Variants in PGM5 observed in about 807,000 individuals in gnomAD.
The protein encoded by PGM5 is phosphoglucomutase-like protein 5.
Under a neutral mutation model 59.2 loss-of-function variants are expected in PGM5, and 23 were observed. The observed-to-expected ratio is 0.39, with a 90% confidence interval of 0.28 to 0.55. The LOEUF (loss-of-function observed/expected upper bound fraction) is 0.55, where lower values mean the gene tolerates loss of function less well. Ranked by LOEUF, PGM5 falls within the 20% of genes least tolerant of loss-of-function variation. The probability of loss-of-function intolerance (pLI) is 0.66; values close to 1 mark genes in which losing one functional copy is unlikely to be tolerated. For missense variants in PGM5, 574 were observed against 748.3 expected (o/e 0.77, Z 2.72); for synonymous variants, 214 against 286.0 (o/e 0.75, Z 2.54).
intron 6 of PGM5, among the ~76,000 whole-genome samples, chr9:68,446,287 A>G (rs74984001): frequency 4.5e-4 from 68 of 152,392 alleles, no homozygotes; most frequent in African/African-American, 1.5e-3. Flanking sequence ...CATTACCACA[A>G]TGTTTGAAAT....
At chr9:68,429,817 A>G (rs1029871577) in intron 6 of PGM5, among the ~76,000 whole-genome samples, 5 of 152,210 alleles carry the variant, frequency 3.3e-5, no homozygotes, top group African/African-American at 1.2e-4. Flanking sequence ...GATAATCTCC[A>G]CTGATGCGAT....
chr9:68,524,480 A>C (rs1824943824), intron 10 of PGM5, among the ~76,000 whole-genome samples: 1 of 152,236 alleles, frequency 6.6e-6, no homozygotes, highest in Non-Finnish European at 1.5e-5. Flanking sequence ...ACTCTAAAAA[A>C]CACTGGAATT....
intron 6 of PGM5, among the ~76,000 whole-genome samples, chr9:68,407,463 T>G (rs1822843692): frequency 6.6e-6 from 1 of 152,206 alleles, no homozygotes; most frequent in Admixed American, 6.5e-5. Flanking sequence ...ACTTTTTGAT[T>G]AATATCCTCT....
At chr9:68,481,097 G>A (rs1257643760) in intron 8 of PGM5, among the ~76,000 whole-genome samples, 1 of 152,160 alleles carries the variant, frequency 6.6e-6, no homozygotes, top group African/African-American at 2.4e-5. Context: ...TGAATGTTTG[G>A]TTGTGTTTCA....
rs1563984881 is a variant in PGM5 at position 68,376,835 on chromosome 9, C to CTTTCTTTCTTTCTTTCTTTCT, written c.262-1347_262-1346insTTCTTTTCTTTCTTTCTTTCT. Among the ~76,000 whole-genome samples the CTTTCTTTCTTTCTTTCTTTCT allele has an allele frequency of 6.9e-3, 405 of 58,540 alleles. 12 individuals carry two copies. The highest frequency in any genetic ancestry group is 8.7e-3 in the Admixed American group (45 of 5,172). 38.4% of individuals were successfully genotyped at this position (58,540 alleles called of 152,430 possible). A position where few individuals can be genotyped will look rare whatever the true frequency, so the allele number is the denominator to read the frequency against. ...TTTCTTTCTTTCTTTCTTTCTTTCT[C>CTTTCTTTCTTTCTTTCTTTCT]TTTCTTTCTTTCTTTCTCTTTCTTT... On this transcript the variant is annotated intron_variant, in intron 1 of 10. Coordinates refer to ENST00000396396, the MANE Select transcript of PGM5 (RefSeq NM_021965.4).
intron 1 of PGM5, among the ~76,000 whole-genome samples, chr9:68,367,110 C>G (rs4111706): frequency 0.25 from 38,206 of 151,674 alleles, 5,805 homozygotes; most frequent in Admixed American, 0.34. Flanking sequence ...CATGCACACA[C>G]AAACACACAC....
At chr9:68,388,369 G>A (rs4744955) in intron 4 of PGM5, among the ~76,000 whole-genome samples, 155 of 145,932 alleles carry the variant, frequency 1.1e-3, no homozygotes, top group African/African-American at 1.6e-3. Flanking sequence ...CAAGCTCTCC[G>A]CTAGTGTCTA....
chr9:68,436,877 T>A (rs1823450282), intron 6 of PGM5, among the ~76,000 whole-genome samples: 2 of 152,256 alleles, frequency 1.3e-5, no homozygotes, highest in East Asian at 3.8e-4. Flanking sequence ...CTTTTTACCC[T>A]CTACCATCCA....
chr9:68,515,292 C>A (rs1204143657), intron 10 of PGM5, among the ~76,000 whole-genome samples: 1 of 152,182 alleles, frequency 6.6e-6, no homozygotes, highest in African/African-American at 2.4e-5. Flanking sequence ...AAGAGTCTCT[C>A]CTCGTTTACA....
rs188132512 is a variant in PGM5, at chr9:68,393,330, A to G, written c.1043+857A>G. ...TATATGCATATAATTAAAATACATA[A>G]TATAATATACATAATATATATACAT... On this transcript the variant is annotated intron_variant, in intron 6 of 10. Transcript: ENST00000396396. Among the ~76,000 whole-genome samples the G allele has an allele frequency of 5.3e-5, 8 of 150,198 alleles. 1 individual carries two copies. The East Asian group carries it at 1.6e-3, about 29-fold the overall frequency.
chr9:68,461,189 G>A (rs1481572948), intron 6 of PGM5, among the ~76,000 whole-genome samples: 2 of 151,968 alleles, frequency 1.3e-5, no homozygotes, highest in Non-Finnish European at 1.5e-5. Flanking sequence ...TGGGTCAGCC[G>A]CCTTCAACAC....
intron 8 of PGM5, among the ~76,000 whole-genome samples, chr9:68,482,181 C>G (rs1347268635): frequency 6.6e-6 from 1 of 152,020 alleles, no homozygotes; most frequent in Non-Finnish European, 1.5e-5. Flanking sequence ...GATTCTCAAC[C>G]CTAGACTGAA....
At chr9:68,511,034 A>T (rs1554689312) in intron 10 of PGM5, among the ~76,000 whole-genome samples, 1 of 152,222 alleles carries the variant, frequency 6.6e-6, no homozygotes, top group African/African-American at 2.4e-5. Flanking sequence ...CAGGCTTCAG[A>T]GAGAATAGAA....
At chr9:68,362,778 G>T (rs2770896) in intron 1 of PGM5, among the ~76,000 whole-genome samples, 1 of 150,104 alleles carries the variant, frequency 6.7e-6, no homozygotes, top group Non-Finnish European at 1.5e-5. Flanking sequence ...TTTGTTCTCT[G>T]CTTCTTTCTT....
At chr9:68,525,838 C>T (rs1028825037) in intron 10 of PGM5, among the ~76,000 whole-genome samples, 1 of 152,108 alleles carries the variant, frequency 6.6e-6, no homozygotes, top group African/African-American at 2.4e-5. Context: ...GGGCAAATCA[C>T]GAGGTCAGGA....
At chr9:68,381,025 C>A (rs1381266895) in intron 2 of PGM5, among the ~76,000 whole-genome samples, 6 of 151,894 alleles carry the variant, frequency 4.0e-5, no homozygotes, top group African/African-American at 1.2e-4. Flanking sequence ...TTATTACCAA[C>A]ACTTCTTAGA....
rs544549587 is a variant in PGM5, at chr9:68,384,888, C to T, written c.571+344C>T. Among the ~76,000 whole-genome samples, 449 of 150,394 alleles carry T rather than the reference C, an allele frequency of 3.0e-3. 3 individuals are homozygous for T. Among genetic ancestry groups the T allele is most frequent in the African/African-American group, 0.01 (427 of 41,054 alleles). On this transcript the variant is annotated intron_variant, in intron 3 of 10. Transcript: ENST00000396396. ...CTGGAATGCCTTAGTTAAGAAGAAA[C>T]CTAACAAGTCAATGGGTTATTAAAT...
chr9:68,477,319 G>A (rs10780967), intron 7 of PGM5, among the ~76,000 whole-genome samples: 8,893 of 149,558 alleles, frequency 0.059, 582 homozygotes, highest in East Asian at 0.35. Context: ...AGGTTTGCAT[G>A]TTTTCCTTAT....
chr9:68,378,958 T>G (rs1462904109), intron 2 of PGM5, among the ~76,000 whole-genome samples: 12 of 152,198 alleles, frequency 7.9e-5, no homozygotes, highest in Non-Finnish European at 1.3e-4. Context: ...ATAGATAACA[T>G]GTACCCATTA....
Sources: allele counts gnomAD v4.1 joint callset (sites outside exome capture counted in the v4.1 genomes callset), GRCh38; gene constraint gnomAD v4.1.1; transcripts MANE v1.5; gene names NCBI Gene and HGNC (gene_info 2026-07-23, HGNC 2026-07-21).